The following DMXL1 variants were observed in gnomAD, a reference collection of about 807,000 sequenced individuals.
DMXL1 encodes the protein dmX-like protein 1.
A neutral mutation model predicts 319.2 loss-of-function variants in DMXL1; 99 were observed. The observed-to-expected ratio is 0.31, with a 90% CI of 0.26 to 0.37. The LOEUF (loss-of-function observed/expected upper bound fraction) is 0.37, where lower values mean the gene tolerates loss of function less well. DMXL1 is among the 10% of genes least tolerant of loss of function. The pLI, the probability that DMXL1 is intolerant of heterozygous loss-of-function variation, is 1.00. For synonymous variants in DMXL1, 1,385 were observed against 1,235.2 expected, an observed-to-expected ratio of 1.12 and a Z score of -2.54; for missense variants, 3,745 against 3,595.6, an observed-to-expected ratio of 1.04 and a Z score of -1.06.
At chr5:119,246,760 A>T (rs538104720) in intron 43 of DMXL1, among the ~76,000 whole-genome samples, 1 of 150,654 alleles carries the variant, frequency 6.6e-6, no homozygotes, top group African/African-American at 2.4e-5. Context: ...CAGCCTCCTG[A>T]GTAGCTGGGA....
intron 32 of DMXL1, 110 bp downstream of exon 32, chr5:119,198,066 G>T: frequency 1.0e-6 from 1 of 985,992 alleles, no homozygotes; most frequent in East Asian, 2.5e-5. Flanking sequence ...TCAGCTCACT[G>T]CAGCCTCTGC....
chr5:119,098,362 C>T (rs954456207), intron 2 of DMXL1, among the ~76,000 whole-genome samples: 23 of 151,678 alleles, frequency 1.5e-4, no homozygotes, highest in Non-Finnish European at 8.8e-5. Context: ...CTAAAGCTTA[C>T]GTATTTAAAA....
intron 19 of DMXL1, 24 bp from the exon 20 acceptor site, chr5:119,164,483 A>C (rs770440116): frequency 6.3e-7 from 1 of 1,599,356 alleles, no homozygotes; most frequent in Non-Finnish European, 8.6e-7. Flanking sequence ...ATTCTTATAA[A>C]CATCATTTTT....
intron 38 of DMXL1, among the ~76,000 whole-genome samples, chr5:119,230,097 A>G (rs1310156201): frequency 3.9e-5 from 6 of 152,214 alleles, no homozygotes; most frequent in African/African-American, 1.4e-4. Flanking sequence ...GTTTTGAAGT[A>G]GACATAACAC....
rs185077643 is a variant in DMXL1, at chr5:119,151,670, A to G, written c.4595-259A>G. Among the ~76,000 whole-genome samples, 10 of 152,308 alleles carry G rather than the reference A, an allele frequency of 6.6e-5. No homozygotes were observed. The East Asian group carries it at 1.5e-3, about 23-fold the overall frequency. On this transcript the variant is annotated intron_variant, in intron 18 of 43. Coordinates refer to ENST00000539542, the MANE Select transcript of DMXL1 (RefSeq NM_001290321.3). ...ACTGTTCAAAAATCAGTCACATTTT[A>G]ATTTAAATAAGATTTCAGTCAGAAG...
intron 13 of DMXL1, among the ~76,000 whole-genome samples, chr5:119,138,565 A>G (rs1458079266): frequency 6.6e-6 from 1 of 152,166 alleles, no homozygotes; most frequent in Non-Finnish European, 1.5e-5. Context: ...TAAGCCAGGA[A>G]CGATGGCTCA....
intron 4 of DMXL1, among the ~76,000 whole-genome samples, chr5:119,109,102 A>G (rs1369602514): frequency 2.0e-5 from 3 of 152,122 alleles, no homozygotes; most frequent in African/African-American, 4.8e-5. Context: ...TGCCTGGCCT[A>G]CCATCTGAAT....
chr5:119,147,446 A>T lies in DMXL1; in HGVS notation c.2887A>T (p.Ile963Leu), dbSNP rs1455585721. The T allele has an allele frequency of 4.3e-6, 7 of 1,613,338 alleles. No homozygotes were observed. The highest frequency in any genetic ancestry group is 5.9e-6 in the Non-Finnish European group (7 of 1,179,514). Residue 963 changes from isoleucine (I) to leucine (L), a missense_variant, in exon 17 of 44, where the codon ATA (isoleucine) becomes TTA (leucine). By Grantham distance (5) the Ile-to-Leu change is conservative. Around this residue, in one of 4 missense-constraint regions of DMXL1, gnomAD observed 2,096 missense variants for 1,985.4 expected, o/e 1.06. Coordinates refer to ENST00000539542, the MANE Select transcript of DMXL1 (RefSeq NM_001290321.3). Reference protein sequence around the residue: ...QELHLPEGVEIISIKPSAGHL... With the variant: ...QELHLPEGVELISIKPSAGHL... ...ATTGCATTTACCAGAAGGAGTTGAG[A>T]TAATAAGTATTAAGCCATCAGCAGG...
At chr5:119,079,693 A>G (rs1173929526) in intron 1 of DMXL1, among the ~76,000 whole-genome samples, 1 of 150,254 alleles carries the variant, frequency 6.7e-6, no homozygotes, top group African/African-American at 2.5e-5. Flanking sequence ...CATGTTGATC[A>G]TTTTCTCCTT....
intron 13 of DMXL1, among the ~76,000 whole-genome samples, chr5:119,140,595 C>T (rs547712884): frequency 1.3e-5 from 2 of 151,988 alleles, no homozygotes; most frequent in Non-Finnish European, 2.9e-5. Flanking sequence ...AATACGAGCT[C>T]CGAAATTGAG....
intron 13 of DMXL1, among the ~76,000 whole-genome samples, chr5:119,135,177 G>T (rs1052877523): frequency 7.4e-6 from 1 of 135,244 alleles, no homozygotes; most frequent in Non-Finnish European, 1.7e-5. Context: ...TATATATTTT[G>T]GGGGGGGTCT....
chr5:119,190,163 C>T (rs1183170002), intron 29 of DMXL1, among the ~76,000 whole-genome samples: 1 of 152,128 alleles, frequency 6.6e-6, no homozygotes, highest in African/African-American at 2.4e-5. Context: ...AGAGAATTTG[C>T]GTAACATCTT....
intron 28 of DMXL1, chr5:119,178,542 C>A: frequency 1.1e-6 from 1 of 902,344 alleles, no homozygotes; most frequent in South Asian, 5.1e-5. Context: ...TTGTTCTATC[C>A]CAAATACGGA....
chr5:119,124,959 T>G (rs1433083846), intron 9 of DMXL1, among the ~76,000 whole-genome samples: 1 of 152,214 alleles, frequency 6.6e-6, no homozygotes, highest in Non-Finnish European at 1.5e-5. Context: ...AGCTACAAAT[T>G]ATAGACATTT....
chr5:119,082,031 ACACAC>A (rs1752350805), intron 1 of DMXL1, among the ~76,000 whole-genome samples: 2 of 136,082 alleles, frequency 1.5e-5, no homozygotes, highest in South Asian at 4.9e-4. Flanking sequence ...ACACACACAC[ACACAC>A]ACACACACAC....
At chr5:119,132,558 T>G in intron 10 of DMXL1, 1 of 273,264 alleles carries the variant, frequency 3.7e-6, no homozygotes, top group Admixed American at 4.4e-5. Flanking sequence ...CAGGCACCTG[T>G]AATCCCAGCT....
chr5:119,153,139 G>A (rs997002321), intron 19 of DMXL1, among the ~76,000 whole-genome samples: 13 of 152,080 alleles, frequency 8.5e-5, no homozygotes, highest in Admixed American at 2.6e-4. Context: ...ACCACGCCTG[G>A]CTAATTTTTG....
At chr5:119,224,974 G>A (rs540159996) in intron 38 of DMXL1, among the ~76,000 whole-genome samples, 3 of 152,066 alleles carry the variant, frequency 2.0e-5, no homozygotes, top group African/African-American at 4.8e-5. Flanking sequence ...AAAAGAGAAA[G>A]CTGATTTAAT....
At position 119,149,082 on chromosome 5, in the gene DMXL1, A is replaced by T. The variant is rs759245213; in HGVS notation, c.3255A>T (p.Ser1085=). The change falls in exon 18 of 44, where the codon TCA becomes TCT. Residue 1085 remains serine, a synonymous_variant. Transcript: ENST00000539542. ...VMHVSIFECE[S]TGGSCWVLEQ... ...ATGTAAGTATTTTTGAATGTGAGTC[A>T]ACAGGAGGTTCATGTTGGGTCCTTG... The T allele has an allele frequency of 6.2e-7, 1 of 1,613,978 alleles. No homozygotes were observed. Among genetic ancestry groups the T allele is most frequent in the African/African-American group, 1.3e-5 (1 of 75,042 alleles).
Sources: gnomAD v4.1 joint callset for allele counts (sites outside exome capture counted in the v4.1 genomes callset) on GRCh38, gnomAD v4.1.1 for gene constraint, gnomAD v4.1.1 regional missense constraint, MANE v1.5 for transcripts, NCBI Gene and HGNC (gene_info 2026-07-23, HGNC 2026-07-21) for gene names.